Variants in JAKMIP3 observed in about 807,000 individuals in gnomAD.
JAKMIP3 encodes the protein janus kinase and microtubule-interacting protein 3.
JAKMIP3 carries 58 observed loss-of-function variants against 118.5 expected under a neutral mutation model. The observed-to-expected ratio is 0.49, with a 90% CI of 0.40 to 0.61. The LOEUF (loss-of-function observed/expected upper bound fraction) is 0.61, where lower values mean the gene tolerates loss of function less well. JAKMIP3 is among the 20% of genes least tolerant of loss of function. The pLI is 0.00. For synonymous variants in JAKMIP3, 486 were observed against 451.2 expected (o/e 1.08, Z -0.98); for missense variants, 950 against 1,109.0 (o/e 0.86, Z 2.04).
chr10:132,163,300 A>G lies in JAKMIP3; in HGVS notation c.2312A>G (p.Glu771Gly), dbSNP rs1349639492. The change falls in exon 20 of 24, where the codon GAG (glutamate) becomes GGG (glycine). Residue 771 changes from glutamate to glycine, a missense_variant. Physicochemically the swap from Glu to Gly is moderately conservative, Grantham distance 98 (BLOSUM62 -2). Transcript: ENST00000684848. The part of the protein sequence containing the change: ...VAELLSEEER[E>G]KLKVAVEQWK... ...GAGCTGCTGTCAGAGGAGGAGCGCG[A>G]GAAGCTCAAGGTGGCCGTGGAGCAG... 38 of 1,606,078 alleles carry G rather than the reference A, an allele frequency of 2.4e-5. No homozygotes were observed. Among genetic ancestry groups the G allele is most frequent in the Non-Finnish European group, 3.2e-5 (38 of 1,177,518 alleles).
chr10:132,054,398 A>C (rs2038181350), intron 1 of JAKMIP3, among the ~76,000 whole-genome samples: 1 of 152,026 alleles, frequency 6.6e-6, no homozygotes, highest in Non-Finnish European at 1.5e-5. Context: ...AGAAGCTCAG[A>C]GAAAAACTTC....
chr10:132,127,642 C>A (rs554718802), intron 3 of JAKMIP3, among the ~76,000 whole-genome samples: 6 of 152,206 alleles, frequency 3.9e-5, no homozygotes, highest in Non-Finnish European at 5.9e-5. Flanking sequence ...GTTCTTCTCT[C>A]GCTGTTTTTT....
chr10:132,139,046 T>TTG (rs2052515329), intron 9 of JAKMIP3, among the ~76,000 whole-genome samples: 1 of 76,560 alleles, frequency 1.3e-5, no homozygotes, highest in Non-Finnish European at 2.5e-5. Flanking sequence ...CTGCTTTATG[T>TTG]TGAGTGTGTG....
intron 23 of JAKMIP3, among the ~76,000 whole-genome samples, chr10:132,170,701 G>C (rs2059408382): frequency 6.6e-6 from 1 of 152,208 alleles, no homozygotes; most frequent in South Asian, 2.1e-4. Flanking sequence ...TCAGGGAGGG[G>C]CAGCCGGCCG....
intron 20 of JAKMIP3, 73 bp from the exon 21 acceptor site, chr10:132,164,597 A>G: frequency 2.0e-6 from 2 of 1,003,234 alleles, no homozygotes; most frequent in Admixed American, 2.0e-5. Flanking sequence ...AAGGAAATGA[A>G]TGAAAATCTT....
intron 3 of JAKMIP3, among the ~76,000 whole-genome samples, chr10:132,123,584 T>G (rs531909288): frequency 6.6e-6 from 1 of 152,314 alleles, no homozygotes; most frequent in South Asian, 2.1e-4. Context: ...AGCCTGTCCT[T>G]GCTTTTTGCC....
intron 1 of JAKMIP3, among the ~76,000 whole-genome samples, chr10:132,093,728 G>A (rs2043430930): frequency 2.0e-5 from 3 of 152,194 alleles, no homozygotes; most frequent in African/African-American, 7.2e-5. Flanking sequence ...ACGTTCGGTG[G>A]GCTGCACCCA....
At chr10:132,068,036 G>GGACTA (rs2039168262) in intron 1 of JAKMIP3, among the ~76,000 whole-genome samples, 2 of 111,194 alleles carry the variant, frequency 1.8e-5, no homozygotes, top group African/African-American at 3.3e-5. Flanking sequence ...CGTGTGGACT[G>GGACTA]TGGGCTTCCG....
chr10:132,104,066 G>C (rs1419787578), intron 1 of JAKMIP3, among the ~76,000 whole-genome samples: 1 of 152,166 alleles, frequency 6.6e-6, no homozygotes, highest in Non-Finnish European at 1.5e-5. Context: ...CTCCCTCCTG[G>C]TTACAGCTGG....
chr10:132,156,242 T>C (rs934404558), intron 19 of JAKMIP3, among the ~76,000 whole-genome samples: 1 of 152,166 alleles, frequency 6.6e-6, no homozygotes, highest in Admixed American at 6.5e-5. Context: ...CCGAAGCTTC[T>C]TGGCCTCTGC....
chr10:132,155,983 A>G (rs906434739), intron 19 of JAKMIP3, among the ~76,000 whole-genome samples: 10 of 152,216 alleles, frequency 6.6e-5, no homozygotes, highest in Admixed American at 5.2e-4. Context: ...CGCTTAGCTT[A>G]CCCAGGCAGT....
At chr10:132,152,902 C>A in intron 16 of JAKMIP3, 56 bp from the exon 17 acceptor site, 1 of 1,404,144 alleles carries the variant, frequency 7.1e-7, no homozygotes, top group Non-Finnish European at 9.9e-7. Flanking sequence ...CATCACTCAC[C>A]CTCACCCCCA....
chr10:132,048,136 G>A (rs578026551), intron 1 of JAKMIP3, among the ~76,000 whole-genome samples: 1 of 152,386 alleles, frequency 6.6e-6, no homozygotes, highest in East Asian at 1.9e-4. Flanking sequence ...AGCAGAGCAG[G>A]TGTGATGTTG....
In JAKMIP3 at chr10:132,180,728, TGCGTGTGTGCGTGCGTGCGCGC is replaced by T. The variant is rs1464224441; in HGVS notation, c.*1104-1615_*1104-1594del. 7.6e-4 allele frequency among the ~76,000 whole-genome samples: 15 copies of T among 19,846 alleles called. 5 individuals carry two copies. The highest frequency in any genetic ancestry group is 1.5e-3 in the Admixed American group (2 of 1,376). The allele number at this position is 19,846 out of a possible 152,430, so 13.0% of individuals were successfully genotyped here. On this transcript the variant is annotated intron_variant, in intron 23 of 23. Transcript: ENST00000684848. Reference sequence around the variant, plus strand: ...GTGTGCGCGTGTGTGTGCGTGTGTGTGCGTGTGTGCGTGCGTGCGCGCGCGTGTGTGCGTGTGTGTGCGTGTG... The same window carrying T: ...GTGTGCGCGTGTGTGTGCGTGTGTGTGCGTGTGTGCGTGTGTGTGCGTGTG...
chr10:132,109,848 A>T (rs976565607), intron 2 of JAKMIP3, among the ~76,000 whole-genome samples: 2 of 152,194 alleles, frequency 1.3e-5, no homozygotes, highest in African/African-American at 4.8e-5. Flanking sequence ...AAATGTGGGG[A>T]TCCTTGATTT....
chr10:132,130,560 G>A (rs2135629090), intron 3 of JAKMIP3, among the ~76,000 whole-genome samples: 2 of 152,336 alleles, frequency 1.3e-5, no homozygotes, highest in Middle Eastern at 6.8e-3. Context: ...CAGGCCCAGT[G>A]TTTGGAAGGA....
Position 132,131,810 on chromosome 10 carries a change from G to A in JAKMIP3, c.634-1502G>A, listed in dbSNP as rs538632863. ...GGCTCTTCCCCCGGGTGTCTGTGTG[G>A]GTGCAGGTGGGACAGGAGACAGGTG... On this transcript the variant is annotated intron_variant, in intron 3 of 23. Transcript: ENST00000684848. 2.6e-5 allele frequency among the ~76,000 whole-genome samples: 4 copies of A among 152,240 alleles called. No individual in the cohort carries two copies. The South Asian group carries it at 6.2e-4, about 24-fold the overall frequency.
In JAKMIP3 at chr10:132,108,901, T is replaced by C. The variant is rs144777020; in HGVS notation, c.135+3958T>C. Among the ~76,000 whole-genome samples the C allele has an allele frequency of 4.8e-3, 696 of 144,456 alleles. 26 individuals carry two copies. The highest frequency in any genetic ancestry group is 0.018 in the African/African-American group (654 of 36,638). The allele number at this position is 144,456 out of a possible 152,430, so 94.8% of individuals were successfully genotyped here. On this transcript the variant is annotated intron_variant, in intron 2 of 23. Transcript: ENST00000684848. ...TACACAAATGTATATATAAATTATA[T>C]ACGCAAATGTATATATAAATTATAT...
Position 132,106,565 on chromosome 10 carries a change from G to A in JAKMIP3, c.135+1622G>A, listed in dbSNP as rs373699322. ...TTCGGGGCACAGCTCGGGGAGTCTC[G>A]CTTCTCGGATACCAGAAGGCCGATG... On this transcript the variant is annotated intron_variant, in intron 2 of 23. Transcript: ENST00000684848. Among the ~76,000 whole-genome samples the A allele has an allele frequency of 4.1e-4, 63 of 152,266 alleles. 2 individuals are homozygous for A. The East Asian group carries it at 4.3e-3, about 10-fold the overall frequency.
Sources: allele counts gnomAD v4.1 joint callset (sites outside exome capture counted in the v4.1 genomes callset), GRCh38; gene constraint gnomAD v4.1.1; transcripts MANE v1.5; gene names NCBI Gene and HGNC (gene_info 2026-07-23, HGNC 2026-07-21).